The following EXOC6 variants were observed in gnomAD, a reference collection of about 807,000 sequenced individuals.
EXOC6 encodes SEC15-like 1.
Under a neutral mutation model 112.5 loss-of-function variants are expected in EXOC6, and 60 were observed. That is an observed-to-expected ratio of 0.53 (90% confidence interval 0.43 to 0.66). The LOEUF (loss-of-function observed/expected upper bound fraction) is 0.66. Among genes scored for constraint, EXOC6 ranks in the 30% least tolerant of loss-of-function variants. The probability of loss-of-function intolerance (pLI) is 0.00; values close to 1 mark genes in which losing one functional copy is unlikely to be tolerated. For missense variants in EXOC6, 855 were observed against 957.1 expected, an observed-to-expected ratio of 0.89 and a Z score of 1.41; for synonymous variants, 295 against 308.0, an observed-to-expected ratio of 0.96 and a Z score of 0.44.
At chr10:92,936,619 C>CA (rs999967083) in intron 12 of EXOC6, among the ~76,000 whole-genome samples, 2 of 152,100 alleles carry the variant, frequency 1.3e-5, no homozygotes, top group Non-Finnish European at 1.5e-5. Flanking sequence ...ACGAAACAAA[C>CA]AAAAAAATAA....
intron 9 of EXOC6, among the ~76,000 whole-genome samples, chr10:92,929,497 A>C (rs74149175): frequency 0.03 from 4,602 of 152,296 alleles, 167 homozygotes; most frequent in East Asian, 0.15. Flanking sequence ...AACGAGTGAG[A>C]ATCGTAAGAA....
chr10:92,967,456 A>G (rs1245122005), intron 17 of EXOC6, among the ~76,000 whole-genome samples: 1 of 152,164 alleles, frequency 6.6e-6, no homozygotes. Context: ...ATCTAGGAAA[A>G]TGTGAACTAA....
At chr10:93,053,778 A>G (rs1846412771) in intron 20 of EXOC6, among the ~76,000 whole-genome samples, 1 of 152,262 alleles carries the variant, frequency 6.6e-6, no homozygotes, top group Non-Finnish European at 1.5e-5. Flanking sequence ...TGCTAGACAC[A>G]CTTTATGAGC....
At chr10:92,884,611 G>A (rs533169876) in intron 1 of EXOC6, among the ~76,000 whole-genome samples, 22 of 152,122 alleles carry the variant, frequency 1.4e-4, no homozygotes, top group East Asian at 5.8e-4. Flanking sequence ...AAGTAATTTC[G>A]GGACATTAGA....
intron 1 of EXOC6, among the ~76,000 whole-genome samples, chr10:92,889,695 T>C (rs1247551592): frequency 6.6e-6 from 1 of 152,214 alleles, no homozygotes; most frequent in Non-Finnish European, 1.5e-5. Context: ...TGACTGTAAC[T>C]TTATAGTAAA....
intron 20 of EXOC6, among the ~76,000 whole-genome samples, chr10:93,030,919 A>AT (rs1845241664): frequency 6.6e-6 from 1 of 152,188 alleles, no homozygotes; most frequent in South Asian, 2.1e-4. Flanking sequence ...AAACAATCTA[A>AT]TTTTTGCCAA....
intron 16 of EXOC6, 96 bp from the exon 17 acceptor site, chr10:92,955,484 G>A (rs553123520): frequency 1.0e-6 from 1 of 976,782 alleles, no homozygotes; most frequent in South Asian, 1.4e-5. Context: ...TGTAGAAATG[G>A]TACAGTTGCT....
chr10:92,987,095 C>T (rs187463693), intron 18 of EXOC6, among the ~76,000 whole-genome samples: 9 of 152,096 alleles, frequency 5.9e-5, no homozygotes, highest in Admixed American at 5.2e-4. Context: ...ATAGTTTTGT[C>T]GTTTTTGAAG....
intron 18 of EXOC6, among the ~76,000 whole-genome samples, chr10:92,989,311 T>C (rs1211041642): frequency 6.6e-6 from 1 of 152,212 alleles, no homozygotes; most frequent in African/African-American, 2.4e-5. Flanking sequence ...CAAATTGAAA[T>C]TTGTCAAATA....
At chr10:92,924,374 G>T (rs1210352663) in intron 8 of EXOC6, among the ~76,000 whole-genome samples, 1 of 152,144 alleles carries the variant, frequency 6.6e-6, no homozygotes, top group Non-Finnish European at 1.5e-5. Flanking sequence ...AACATGAATG[G>T]AGTGTTTTCT....
At position 92,903,962 on chromosome 10, in the gene EXOC6, T is replaced by G. The variant is rs150975764; in HGVS notation, c.458+4318T>G. Among the ~76,000 whole-genome samples, 209 of 152,190 alleles carry G rather than the reference T, an allele frequency of 1.4e-3. 3 individuals are homozygous for G. Among genetic ancestry groups the G allele is most frequent in the Middle Eastern group, 3.4e-3 (1 of 294 alleles). ...CTGTGCTCCCTATCTTTCCCCATCC[T>G]TCCCTGCTGTGAACCCGTACCAATT... is the stretch of plus-strand genomic sequence containing the variant. On this transcript the variant is annotated intron_variant, in intron 5 of 21. Coordinates refer to ENST00000260762, the MANE Select transcript of EXOC6 (RefSeq NM_019053.6).
chr10:92,914,383 A>C (rs1172785594), intron 6 of EXOC6, among the ~76,000 whole-genome samples: 1 of 152,250 alleles, frequency 6.6e-6, no homozygotes, highest in Non-Finnish European at 1.5e-5. Flanking sequence ...AATAAAGTTA[A>C]GCGGATTTCT....
At chr10:93,019,778 A>G (rs866866150) in intron 20 of EXOC6, among the ~76,000 whole-genome samples, 2 of 152,214 alleles carry the variant, frequency 1.3e-5, no homozygotes, top group South Asian at 4.1e-4. Flanking sequence ...GAACCTCAAG[A>G]TACTTCAAGG....
chr10:93,024,104 C>T (rs910716895), intron 20 of EXOC6, among the ~76,000 whole-genome samples: 2 of 152,214 alleles, frequency 1.3e-5, no homozygotes, highest in Non-Finnish European at 2.9e-5. Context: ...TCCTCTTTAA[C>T]TGATCCTGTT....
At chr10:92,922,779 A>AT (rs926447133) in intron 8 of EXOC6, among the ~76,000 whole-genome samples, 5 of 152,094 alleles carry the variant, frequency 3.3e-5, no homozygotes, top group East Asian at 1.9e-4. Context: ...TATAGGGATC[A>AT]TTTTTTTTCT....
chr10:93,011,052 C>G (rs1844218241), intron 19 of EXOC6, among the ~76,000 whole-genome samples: 1 of 151,966 alleles, frequency 6.6e-6, no homozygotes, highest in African/African-American at 2.4e-5. Context: ...AACTATATGT[C>G]TAATTGAAAT....
intron 17 of EXOC6, among the ~76,000 whole-genome samples, chr10:92,968,557 C>T (rs1404764149): frequency 1.3e-5 from 2 of 152,088 alleles, no homozygotes; most frequent in African/African-American, 4.8e-5. Flanking sequence ...AATAACTACA[C>T]TAAGTTAAGC....
chr10:92,831,298 C>T, upstream of EXOC6: 7 of 1,288,054 alleles, frequency 5.4e-6, no homozygotes, highest in Non-Finnish European at 7.1e-6. Context: ...CCAGGCTGAG[C>T]CGGCTGTACC....
chr10:92,900,378 C>G (rs1454650954), intron 5 of EXOC6: 1 of 151,850 alleles, frequency 6.6e-6, no homozygotes, highest in African/African-American at 2.4e-5. Flanking sequence ...ATGATTTCTT[C>G]TTGGTTAGTA....
Sources: allele counts gnomAD v4.1 joint callset (sites outside exome capture counted in the v4.1 genomes callset), GRCh38; gene constraint gnomAD v4.1.1; transcripts MANE v1.5; gene names NCBI Gene and HGNC (gene_info 2026-07-23, HGNC 2026-07-21).